The following FRMPD4 variants were observed in gnomAD, a reference collection of about 807,000 sequenced individuals.
FRMPD4 encodes FERM and PDZ domain containing 4, also known as FERM and PDZ domain-containing protein 4.
A neutral mutation model predicts 94.1 loss-of-function variants in FRMPD4; 22 were observed. The observed-to-expected ratio is 0.23, with a 90% confidence interval of 0.17 to 0.33. The LOEUF is 0.33. FRMPD4 is among the 10% of genes least tolerant of loss of function. FRMPD4 has a pLI of 1.00. For missense variants in FRMPD4, 1,111 were observed against 1,339.9 expected, an observed-to-expected ratio of 0.83 and a Z score of 2.67; for synonymous variants, 631 against 548.6, an observed-to-expected ratio of 1.15 and a Z score of -2.10.
intron 1 of FRMPD4, among the ~76,000 whole-genome samples, chrX:12,171,563 CA>C (rs1310698050): frequency 1.8e-5 from 2 of 111,236 alleles, no homozygotes; most frequent in Non-Finnish European, 3.8e-5. Flanking sequence ...GGCTACCTTA[CA>C]ACTTGGCAAG....
chrX:12,389,573 C>T (rs908247419), intron 1 of FRMPD4, among the ~76,000 whole-genome samples: 2 of 110,929 alleles, frequency 1.8e-5, no homozygotes, highest in Admixed American at 1.9e-4. Context: ...TGTTAATTAG[C>T]TTGATTTAAT....
chrX:12,341,455 A>G (rs1260851323), intron 1 of FRMPD4, among the ~76,000 whole-genome samples: 1 of 111,892 alleles, frequency 8.9e-6, no homozygotes, highest in Non-Finnish European at 1.9e-5. Flanking sequence ...AGGAAAGATG[A>G]AATTTGTTTT....
intron 2 of FRMPD4, among the ~76,000 whole-genome samples, chrX:11,865,481 G>A (rs986261769): frequency 1.8e-5 from 2 of 111,869 alleles, no homozygotes; most frequent in African/African-American, 3.2e-5. Context: ...TAGCAATAGT[G>A]GTAGCTACAG....
At chrX:12,704,598 A>G (rs1569064386) in intron 11 of FRMPD4, 113 bp downstream of exon 11, 1 of 492,330 alleles carries the variant, frequency 2.0e-6, no homozygotes, top group Non-Finnish European at 3.3e-6. Context: ...TTTCAGAAGC[A>G]GTAACACTGT....
At chrX:12,121,040 A>G (rs2147535485) in intron 3 of FRMPD4, among the ~76,000 whole-genome samples, 1 of 108,947 alleles carries the variant, frequency 9.2e-6, no homozygotes, top group South Asian at 3.8e-4. Context: ...TAATACTAAG[A>G]CTTTATAATA....
intron 1 of FRMPD4, among the ~76,000 whole-genome samples, chrX:12,414,077 G>A (rs1448095691): frequency 8.9e-6 from 1 of 112,455 alleles, no homozygotes; most frequent in Non-Finnish European, 1.9e-5. Flanking sequence ...TATATATCTT[G>A]GCTAAATGAA....
intron 1 of FRMPD4, among the ~76,000 whole-genome samples, chrX:12,306,795 C>G (rs2054948166): frequency 8.9e-6 from 1 of 112,454 alleles, no homozygotes; most frequent in Admixed American, 9.4e-5. Flanking sequence ...ATTAGCACTA[C>G]TGTGCCACTG....
At chrX:12,329,198 C>G (rs1189370833) in intron 1 of FRMPD4, among the ~76,000 whole-genome samples, 1 of 111,950 alleles carries the variant, frequency 8.9e-6, no homozygotes, top group African/African-American at 3.2e-5. Flanking sequence ...CTCTAAGCAG[C>G]CTTCCTTCCT....
At chrX:12,341,359 T>C (rs2055610619) in intron 1 of FRMPD4, among the ~76,000 whole-genome samples, 1 of 111,353 alleles carries the variant, frequency 9.0e-6, no homozygotes, top group Non-Finnish European at 1.9e-5. Context: ...TTTTTCTTCA[T>C]GGGTAAGTTA....
At chrX:11,908,818 G>A (rs1360685339) in intron 3 of FRMPD4, among the ~76,000 whole-genome samples, 1 of 111,619 alleles carries the variant, frequency 9.0e-6, no homozygotes, top group Non-Finnish European at 1.9e-5. Context: ...TTATAATTGT[G>A]TTTTGGGAAG....
At chrX:12,132,858 A>G (rs959446231) in intron 3 of FRMPD4, among the ~76,000 whole-genome samples, 4 of 110,544 alleles carry the variant, frequency 3.6e-5, no homozygotes, top group African/African-American at 1.3e-4. Flanking sequence ...GATTCAAGAT[A>G]CAGTAGGAGA....
intron 4 of FRMPD4, among the ~76,000 whole-genome samples, chrX:12,664,028 C>T (rs1266723373): frequency 8.9e-6 from 1 of 112,252 alleles, no homozygotes; most frequent in Non-Finnish European, 1.9e-5. Context: ...TATAGGAATG[C>T]TTGTGATCTT....
chrX:12,198,899 T>A (rs1436786905), intron 1 of FRMPD4, among the ~76,000 whole-genome samples: 1 of 112,689 alleles, frequency 8.9e-6, no homozygotes, highest in African/African-American at 3.2e-5. Context: ...CTCTGTTGAA[T>A]GAACACGAGG....
At chrX:11,861,457 C>A (rs1224457681) in intron 1 of FRMPD4, among the ~76,000 whole-genome samples, 2 of 110,260 alleles carry the variant, frequency 1.8e-5, no homozygotes, top group East Asian at 5.7e-4. Context: ...ACACAAAAAA[C>A]AAAATATGAA....
At chrX:12,351,201 A>G (rs1301713388) in intron 1 of FRMPD4, among the ~76,000 whole-genome samples, 1 of 109,184 alleles carries the variant, frequency 9.2e-6, no homozygotes, top group Non-Finnish European at 1.9e-5. Context: ...TGATTATGCT[A>G]CAGTTCTTTC....
chrX:12,182,999 G>A (rs965722073), intron 1 of FRMPD4, among the ~76,000 whole-genome samples: 1 of 111,366 alleles, frequency 9.0e-6, no homozygotes, highest in Non-Finnish European at 1.9e-5. Context: ...GGTCTCTGGA[G>A]CCAGACTTCT....
chrX:12,338,935 T>C (rs2055567567), intron 1 of FRMPD4, among the ~76,000 whole-genome samples: 1 of 111,884 alleles, frequency 8.9e-6, no homozygotes, highest in South Asian at 3.7e-4. Flanking sequence ...AGTTAGTGCG[T>C]AGAGGAAAGG....
At chrX:12,113,519 T>C (rs2055383615) in intron 3 of FRMPD4, among the ~76,000 whole-genome samples, 1 of 111,457 alleles carries the variant, frequency 9.0e-6, no homozygotes, top group Non-Finnish European at 1.9e-5. Context: ...AACCTCTGCT[T>C]CTGTAATCAT....
At chrX:12,291,022 G>A (rs866968961) in intron 1 of FRMPD4, among the ~76,000 whole-genome samples, 10 of 217 alleles carry the variant, frequency 0.046, no homozygotes, top group African/African-American at 0.19. Context: ...CACTTCTCTT[G>A]CAAATCTTCG....
Sources: allele counts gnomAD v4.1 joint callset (sites outside exome capture counted in the v4.1 genomes callset), GRCh38; gene constraint gnomAD v4.1.1; transcripts MANE v1.5; gene names NCBI Gene and HGNC (gene_info 2026-07-23, HGNC 2026-07-21).